The following PLCD3 variants were observed in gnomAD, a reference collection of about 807,000 sequenced individuals.
PLCD3 encodes phospholipase C delta 3, also known as 1-phosphatidylinositol 4,5-bisphosphate phosphodiesterase delta-3.
In PLCD3, 62 loss-of-function variants were observed where a neutral mutation model predicts 82.8. That is an observed-to-expected ratio of 0.75 (90% CI 0.61 to 0.93). The LOEUF (loss-of-function observed/expected upper bound fraction) is 0.93, where lower values mean the gene tolerates loss of function less well. Ranked by LOEUF, PLCD3 falls within the 40% of genes least tolerant of loss-of-function variation. PLCD3 has a pLI of 0.00. For missense variants in PLCD3, 1,023 were observed against 1,103.4 expected (o/e 0.93, Z 1.03); for synonymous variants, 478 against 471.8 (o/e 1.01, Z -0.17).
chr17:45,116,316 A>G (rs142799102), intron 8 of PLCD3, among the ~76,000 whole-genome samples: 67 of 152,246 alleles, frequency 4.4e-4, no homozygotes, highest in African/African-American at 1.3e-3. Flanking sequence ...AGGTGGAGAA[A>G]GTGTCAAGCG....
At chr17:45,123,965 C>G (rs924579386) in intron 1 of PLCD3, among the ~76,000 whole-genome samples, 3 of 96,364 alleles carry the variant, frequency 3.1e-5, no homozygotes, top group South Asian at 5.9e-4. Context: ...GACCCCCCCC[C>G]CAACCAGGTC....
At chr17:45,121,948 C>T (rs567771865) in intron 1 of PLCD3, among the ~76,000 whole-genome samples, 48 of 140,682 alleles carry the variant, frequency 3.4e-4, no homozygotes, top group African/African-American at 1.3e-3. Context: ...CAGAGTGAGA[C>T]TGCGTCTTAA....
rs1373889246 is a variant in PLCD3, at chr17:45,132,011, C to T, written c.163+237G>A. On this transcript the variant is annotated intron_variant, in intron 1 of 14. Transcript: ENST00000619929. This position sits in a 1 kb window ranked among gnomAD's most constrained non-coding sequence, Gnocchi z 4.6. ...CGTGCCCGAATTCGCGCTTCAGACG[C>T]CCCGCGAGCGCCCCCTGGTGGGAAG... Among the ~76,000 whole-genome samples the T allele has an allele frequency of 6.6e-6, 1 of 152,184 alleles. No individual in the cohort carries two copies. Among genetic ancestry groups the T allele is most frequent in the Non-Finnish European group, 1.5e-5 (1 of 68,010 alleles).
rs376940555 is a variant in PLCD3 at position 45,115,389 on chromosome 17, G to C, written c.1515C>G (p.Asp505Glu). 8.8e-6 allele frequency: 14 copies of C among 1,587,288 alleles called. No homozygotes were observed. Among genetic ancestry groups the C allele is most frequent in the Non-Finnish European group, 1.2e-5 (14 of 1,168,634 alleles). ...CCTCCACCTCCTCTTCTTCCTCCTC[G>C]TCATCCTCCTCCTCCTCCTCCCGAT... ...LSDREEEEED[D>E]EEEEEEVEAA... Residue 505 changes from aspartate to glutamate, a missense_variant, in exon 9 of 15, where the codon GAC becomes GAG. Physicochemically the swap from Asp to Glu is conservative, Grantham distance 45. Around this residue, in one of 3 missense-constraint regions of PLCD3, gnomAD observed 553 missense variants for 655.7 expected, o/e 0.84. Transcript: ENST00000619929.
intron 1 of PLCD3, among the ~76,000 whole-genome samples, chr17:45,131,689 C>T (rs1598041354): frequency 6.6e-6 from 1 of 152,262 alleles, no homozygotes; most frequent in African/African-American, 2.4e-5. Flanking sequence ...TACATTCCTT[C>T]TCCACGACTG....
chr17:45,130,791 TC>T (rs1437770539), intron 1 of PLCD3, among the ~76,000 whole-genome samples: 2 of 151,896 alleles, frequency 1.3e-5, no homozygotes, highest in East Asian at 3.9e-4. Context: ...CCAGATAAAG[TC>T]CATGACTCTC....
Position 45,112,413 on chromosome 17 carries a change from C to T in PLCD3, c.*203G>A. On this transcript the variant is annotated 3_prime_UTR_variant, in exon 15 of 15. Transcript: ENST00000619929. ...CCAGGGTTGGAGCTCACTGAAGTCACATGAACACCTTTCTGTTCTTCAGGA... is the reference window on the plus strand; with the variant it reads ...CCAGGGTTGGAGCTCACTGAAGTCATATGAACACCTTTCTGTTCTTCAGGA... The T allele has an allele frequency of 1.6e-6, 1 of 616,158 alleles. No homozygotes were observed. Among genetic ancestry groups the T allele is most frequent in the South Asian group, 1.9e-5 (1 of 52,592 alleles). 38.2% of individuals were successfully genotyped at this position (616,158 alleles called of 1,614,324 possible).
At position 45,113,177 on chromosome 17, in the gene PLCD3, G is replaced by A. The variant is rs376502191; in HGVS notation, c.2076C>T (p.Ile692=). Residue 692 remains isoleucine, a synonymous_variant, in exon 13 of 15, where the codon ATC becomes ATT. Transcript: ENST00000619929. ...SIVDPLVRIE[I]HGVPADCARQ... is the part of the protein sequence containing the mutation. ...GGGCACAGTCTGCGGGCACCCCATG[G>A]ATCTCAATGCGCACCAGGGGGTCCA... 1 of 1,612,800 alleles carries A rather than the reference G, an allele frequency of 6.2e-7. No homozygotes were observed. Among genetic ancestry groups the A allele is most frequent in the South Asian group, 1.1e-5 (1 of 90,748 alleles).
chr17:45,123,965 C>CG (rs71354850), intron 1 of PLCD3, among the ~76,000 whole-genome samples: 7 of 96,364 alleles, frequency 7.3e-5, no homozygotes, highest in East Asian at 2.2e-4. Flanking sequence ...GACCCCCCCC[C>CG]CAACCAGGTC....
intron 7 of PLCD3, among the ~76,000 whole-genome samples, chr17:45,117,054 C>T (rs2054297233): frequency 6.6e-6 from 1 of 152,126 alleles, no homozygotes; most frequent in Non-Finnish European, 1.5e-5. Context: ...AGCGATTCTC[C>T]CTGCCTCAGC....
chr17:45,122,519 G>A (rs1251113212), intron 1 of PLCD3, among the ~76,000 whole-genome samples: 3 of 152,112 alleles, frequency 2.0e-5, no homozygotes, highest in African/African-American at 4.8e-5. Context: ...TGCACTGCAC[G>A]GCTCTTCTAG....
Position 45,119,092 on chromosome 17 carries a change from C to T in PLCD3, c.685-49G>A, listed in dbSNP as rs752066853. 2.0e-6 allele frequency: 3 copies of T among 1,477,250 alleles called. No individual in the cohort carries two copies. In the East Asian group the frequency reaches 7.3e-5, roughly 36 times the overall value. 91.5% of individuals were successfully genotyped at this position (1,477,250 alleles called of 1,614,324 possible). On this transcript the variant is annotated intron_variant, in intron 4 of 14. Coordinates refer to ENST00000619929, the MANE Select transcript of PLCD3 (RefSeq NM_133373.5). ...AGAGGAGGCAGACACTCCAGGAAAC[C>T]TGGCCCCTTTGACCCATCTGTCATC... is the stretch of plus-strand genomic sequence containing the variant.
At chr17:45,128,274 G>C (rs2054396281) in intron 1 of PLCD3, among the ~76,000 whole-genome samples, 1 of 152,228 alleles carries the variant, frequency 6.6e-6, no homozygotes, top group Non-Finnish European at 1.5e-5. Context: ...GGGGGTGGCA[G>C]CACCCTTTTC....
intron 7 of PLCD3, among the ~76,000 whole-genome samples, 151 bp from the exon 8 acceptor site, chr17:45,116,935 G>A (rs927473396): frequency 9.9e-5 from 15 of 152,118 alleles, no homozygotes; most frequent in African/African-American, 3.1e-4. Flanking sequence ...GGCTGAGGGC[G>A]GCTGCAGGAA....
In PLCD3 at chr17:45,118,629, T is replaced by C; in HGVS notation, c.914-137A>G. ...CTAGACTCCATGTAAGTCATGCCACTTAACCTTCGACCAGACCCTGGGAGG... is the reference window on the plus strand; with the variant it reads ...CTAGACTCCATGTAAGTCATGCCACCTAACCTTCGACCAGACCCTGGGAGG... On this transcript the variant is annotated intron_variant, in intron 5 of 14. Transcript: ENST00000619929. This position sits in a 1 kb window ranked among gnomAD's most constrained non-coding sequence, Gnocchi z 4.1. 1 of 1,169,750 alleles carries C rather than the reference T, an allele frequency of 8.5e-7. No individual in the cohort carries two copies. The highest frequency in any genetic ancestry group is 1.5e-5 in the South Asian group (1 of 67,120). 72.5% of individuals were successfully genotyped at this position (1,169,750 alleles called of 1,614,324 possible).
intron 1 of PLCD3, among the ~76,000 whole-genome samples, chr17:45,126,587 G>A (rs191944141): frequency 6.6e-6 from 1 of 151,564 alleles, no homozygotes; most frequent in African/African-American, 2.4e-5. Flanking sequence ...ACAGGCGTGA[G>A]CCACAGCACC....
intron 7 of PLCD3, 26 bp from the exon 8 acceptor site, chr17:45,116,810 G>T: frequency 6.5e-7 from 1 of 1,543,826 alleles, no homozygotes. Flanking sequence ...CAGCAGCTCA[G>T]AGCCACTCCC....
At position 45,114,260 on chromosome 17, in the gene PLCD3, GC is replaced by G. The variant is rs1330406106; in HGVS notation, c.1817del (p.Gly606AlafsTer7). The G allele has an allele frequency of 2.0e-6, 3 of 1,536,776 alleles. No individual in the cohort carries two copies. In the African/African-American group the frequency reaches 4.2e-5, roughly 21 times the overall value. ...NYSPQEMWNS[G>X]CQLVALNFQT... ...GTGGCCCCCACTTACCCAGCTGACAGCCCGAGTTCCACATCTCCTGGGGACT... is the reference window on the plus strand; with the variant it reads ...GTGGCCCCCACTTACCCAGCTGACAGCCGAGTTCCACATCTCCTGGGGACT... On this transcript the variant is annotated frameshift_variant, in exon 11 of 15. Transcript: ENST00000619929. LOFTEE classifies it high-confidence loss of function.
rs1486272995 is a variant in PLCD3, at chr17:45,116,794, G to A, written c.1261-10C>T. On this transcript the variant is annotated splice_polypyrimidine_tract_variant and intron_variant, in intron 7 of 14. Transcript: ENST00000619929. Reference sequence around the variant, plus strand: ...CAGGGTAAGGGGACAGCTGTGGGGGGAAGGGCAGCAGCTCAGAGCCACTCC... The same window carrying A: ...CAGGGTAAGGGGACAGCTGTGGGGGAAAGGGCAGCAGCTCAGAGCCACTCC... The A allele has an allele frequency of 6.3e-7, 1 of 1,580,180 alleles. No individual in the cohort carries two copies. Among genetic ancestry groups the A allele is most frequent in the Non-Finnish European group, 8.6e-7 (1 of 1,160,992 alleles).
Sources: allele counts gnomAD v4.1 joint callset (sites outside exome capture counted in the v4.1 genomes callset), GRCh38; gene constraint gnomAD v4.1.1; regional missense constraint gnomAD v4.1.1; non-coding constraint Gnocchi (gnomAD v3.1); transcripts MANE v1.5; gene names NCBI Gene and HGNC (gene_info 2026-07-23, HGNC 2026-07-21).